Variants in NRG3 observed in about 807,000 individuals in gnomAD.
The protein encoded by NRG3 is neuregulin 3, also known as pro-neuregulin-3, membrane-bound isoform.
A neutral mutation model predicts 66.9 loss-of-function variants in NRG3; 31 were observed. The observed-to-expected ratio is 0.46, with a 90% confidence interval of 0.35 to 0.63. The LOEUF (loss-of-function observed/expected upper bound fraction) is 0.63, where lower values mean the gene tolerates loss of function less well. Among genes scored for constraint, NRG3 ranks in the 20% least tolerant of loss-of-function variants. The pLI, the probability that NRG3 is intolerant of heterozygous loss-of-function variation, is 0.00. For missense variants in NRG3, 910 were observed against 878.9 expected, an observed-to-expected ratio of 1.04 and a Z score of -0.45; for synonymous variants, 393 against 359.4, an observed-to-expected ratio of 1.09 and a Z score of -1.06.
intron 2 of NRG3, among the ~76,000 whole-genome samples, chr10:82,686,583 G>T (rs2054531525): frequency 6.6e-6 from 1 of 152,214 alleles, no homozygotes; most frequent in South Asian, 2.1e-4. Flanking sequence ...CTACAACATC[G>T]TGACGACCAT....
chr10:82,727,439 T>C (rs2057663565), intron 2 of NRG3, among the ~76,000 whole-genome samples: 1 of 152,212 alleles, frequency 6.6e-6, no homozygotes, highest in Non-Finnish European at 1.5e-5. Context: ...GGGGCCAAGG[T>C]ACAGCTCAGG....
chr10:82,224,596 A>G (rs1029203187), intron 1 of NRG3, among the ~76,000 whole-genome samples: 23 of 152,218 alleles, frequency 1.5e-4, no homozygotes, highest in Non-Finnish European at 3.1e-4. Context: ...AAATGGAAAC[A>G]TCCATAATAT....
At chr10:82,948,319 G>C (rs532865857) in intron 4 of NRG3, among the ~76,000 whole-genome samples, 91 of 152,162 alleles carry the variant, frequency 6.0e-4, no homozygotes, top group Non-Finnish European at 1.1e-3. Context: ...GATTACTACA[G>C]CTTTATAAGA....
intron 4 of NRG3, among the ~76,000 whole-genome samples, chr10:82,949,544 C>T (rs1448318655): frequency 6.6e-6 from 1 of 151,828 alleles, no homozygotes; most frequent in African/African-American, 2.4e-5. Flanking sequence ...ATGAGAAATA[C>T]CTGAAAATTT....
chr10:82,524,847 C>G (rs768177544), intron 2 of NRG3, among the ~76,000 whole-genome samples: 1 of 151,812 alleles, frequency 6.6e-6, no homozygotes, highest in African/African-American at 2.4e-5. Flanking sequence ...CACTGGGACC[C>G]TCCTATGGTA....
intron 1 of NRG3, among the ~76,000 whole-genome samples, chr10:82,242,682 T>G (rs2077056764): frequency 6.6e-6 from 1 of 152,122 alleles, no homozygotes; most frequent in Non-Finnish European, 1.5e-5. Flanking sequence ...GGAATTCTTG[T>G]GGAGGAGATT....
chr10:82,163,921 A>ATTTTTTTTTTTTTTTTTTTTTT (rs202076612), intron 1 of NRG3, among the ~76,000 whole-genome samples: 1 of 142,650 alleles, frequency 7.0e-6, no homozygotes. Context: ...TCTCTCTTAA[A>ATTTTTTTTTTTTTTTTTTTTTT]ATTTTTTTTT....
At chr10:81,989,985 A>G (rs1178696035) in intron 1 of NRG3, among the ~76,000 whole-genome samples, 1 of 152,170 alleles carries the variant, frequency 6.6e-6, no homozygotes, top group African/African-American at 2.4e-5. Flanking sequence ...AATTTTTTAC[A>G]GTAGGAATAT....
At chr10:82,121,646 A>G (rs1242437613) in intron 1 of NRG3, among the ~76,000 whole-genome samples, 1 of 151,616 alleles carries the variant, frequency 6.6e-6, no homozygotes, top group Non-Finnish European at 1.5e-5. Context: ...GTTTTATTTT[A>G]TTTTGTTTTG....
At chr10:82,889,533 C>T (rs1257177330) in intron 4 of NRG3, among the ~76,000 whole-genome samples, 1 of 152,152 alleles carries the variant, frequency 6.6e-6, no homozygotes, top group Non-Finnish European at 1.5e-5. Context: ...CGGTAAATAT[C>T]ACTCAGTTTA....
intron 2 of NRG3, among the ~76,000 whole-genome samples, chr10:82,546,982 A>ACAAC (rs2043958537): frequency 6.6e-6 from 1 of 152,168 alleles, no homozygotes; most frequent in Non-Finnish European, 1.5e-5. Flanking sequence ...AGGGAAGAAG[A>ACAAC]CAACATGATG....
At chr10:82,015,706 G>C in intron 1 of NRG3, among the ~76,000 whole-genome samples, 1 of 151,630 alleles carries the variant, frequency 6.6e-6, no homozygotes, top group East Asian at 1.9e-4. Context: ...ACCGCATCTC[G>C]GGCAGTTCTT....
chr10:81,974,383 G>A (rs761527106), intron 1 of NRG3, among the ~76,000 whole-genome samples: 21 of 152,146 alleles, frequency 1.4e-4, no homozygotes, highest in Admixed American at 4.6e-4. Context: ...TTTTTATACC[G>A]AGCCAAGCTT....
chr10:82,698,319 G>A (rs7068082), intron 2 of NRG3, among the ~76,000 whole-genome samples: 32,400 of 152,040 alleles, frequency 0.21, 3,693 homozygotes, highest in Middle Eastern at 0.35. Context: ...TGTAAAACTG[G>A]TTAGTGTGTG....
At chr10:82,026,410 G>A (rs80076795) in intron 1 of NRG3, among the ~76,000 whole-genome samples, 1 of 151,966 alleles carries the variant, frequency 6.6e-6, no homozygotes, top group African/African-American at 2.4e-5. Context: ...ATAAAAGATG[G>A]AGTGCTAGAA....
chr10:82,059,503 T>TAGAA (rs10623310), intron 1 of NRG3, among the ~76,000 whole-genome samples: 148,199 of 152,168 alleles, frequency 0.97, 72,189 homozygotes, highest in African/African-American at 0.99. Context: ...AAAAACGTGA[T>TAGAA]AGAAGGAGGA....
chr10:82,778,359 G>A (rs182298775), intron 3 of NRG3, among the ~76,000 whole-genome samples: 19 of 152,262 alleles, frequency 1.2e-4, no homozygotes, highest in African/African-American at 4.6e-4. Context: ...AGGTTTAATT[G>A]ACTTACAGTT....
At chr10:82,494,297 C>G (rs1843421280) in intron 2 of NRG3, among the ~76,000 whole-genome samples, 2 of 152,088 alleles carry the variant, frequency 1.3e-5, no homozygotes, top group African/African-American at 4.8e-5. Context: ...TGACTTCTAC[C>G]TCTCCTCCGC....
At chr10:82,532,931 C>T (rs1238555614) in intron 2 of NRG3, among the ~76,000 whole-genome samples, 1 of 151,328 alleles carries the variant, frequency 6.6e-6, no homozygotes, top group Non-Finnish European at 1.5e-5. Flanking sequence ...TCCTTCCTTG[C>T]CAACACATGT....
Sources: allele counts gnomAD v4.1 joint callset (sites outside exome capture counted in the v4.1 genomes callset), GRCh38; gene constraint gnomAD v4.1.1; transcripts MANE v1.5; gene names NCBI Gene and HGNC (gene_info 2026-07-23, HGNC 2026-07-21).